The following TNK2 variants were observed in gnomAD, a reference collection of about 807,000 sequenced individuals.
TNK2 encodes the protein activated CDC42 kinase 1.
Under a neutral mutation model 101.8 loss-of-function variants are expected in TNK2, and 83 were observed. The ratio of observed to expected loss-of-function variants is 0.82; its 90% CI spans 0.68 to 0.98. TNK2 has a LOEUF of 0.98. TNK2 is among the 50% of genes least tolerant of loss of function. TNK2 has a pLI of 0.00. For synonymous variants in TNK2, 804 were observed against 633.0 expected (o/e 1.27, Z -4.06); for missense variants, 1,665 against 1,483.2 (o/e 1.12, Z -2.01).
chr3:195,868,325 T>G lies in TNK2; in HGVS notation c.1973A>C (p.Asp658Ala). 1.2e-6 allele frequency: 2 copies of G among 1,601,218 alleles called. No homozygotes were observed. The highest frequency in any genetic ancestry group is 1.7e-6 in the Non-Finnish European group (2 of 1,178,636). The part of the protein sequence containing the change: ...PAYDDVAQDE[D>A]DFEICSINST... Reference sequence around the variant, plus strand: ...GTTGATGGAGCAGATCTCAAAGTCATCCTCATCCTGGGCCACGTCGTCATA... The same window carrying G: ...GTTGATGGAGCAGATCTCAAAGTCAGCCTCATCCTGGGCCACGTCGTCATA... Residue 658 changes from aspartate (D) to alanine (A), a missense_variant, in exon 13 of 16, where the codon GAT (aspartate) becomes GCT (alanine). Coordinates refer to ENST00000672887, the MANE Select transcript of TNK2 (RefSeq NM_001382273.1).
chr3:195,888,431 C>G lies in TNK2; in HGVS notation c.158G>C (p.Arg53Pro). Residue 53 changes from arginine to proline, a missense_variant, in exon 2 of 16, where the codon CGG becomes CCG. Around this residue, in one of 3 missense-constraint regions of TNK2, gnomAD observed 490 missense variants for 522.5 expected, o/e 0.94. Transcript: ENST00000672887. The surrounding 1 kb of genome is among the most constrained non-coding windows in gnomAD (Gnocchi z 5.3). ...CAGGCCAACATCCCACCTACCAGGC[C>G]GACCCATGCCGATCTTCTCCAGGTC... ...NEDLEKIGMG[R>P]PGQRRLWEAV... The G allele has an allele frequency of 1.2e-6, 2 of 1,613,126 alleles. No individual in the cohort carries two copies. Among genetic ancestry groups the G allele is most frequent in the East Asian group, 2.2e-5 (1 of 44,842 alleles).
At chr3:195,865,146 C>T (rs1386647129) in intron 15 of TNK2, among the ~76,000 whole-genome samples, 1 of 128,538 alleles carries the variant, frequency 7.8e-6, no homozygotes, top group Non-Finnish European at 1.6e-5. Context: ...CGAGTGCCTG[C>T]GTCCCAGATG....
rs1753832761 is a variant in TNK2 at position 195,882,909 on chromosome 3, AG to A, written c.609+247del. 6.6e-6 allele frequency among the ~76,000 whole-genome samples: 1 copy of A among 152,296 alleles called. No individual in the cohort carries two copies. Among genetic ancestry groups the A allele is most frequent in the South Asian group, 2.1e-4 (1 of 4,828 alleles). On this transcript the variant is annotated intron_variant, in intron 5 of 15. Transcript: ENST00000672887. The surrounding 1 kb of genome is among the most constrained non-coding windows in gnomAD (Gnocchi z 4.2). ...ATTCCCCAAATTAAACTCAGTGGCCAGCCCCTCCCATGGGAGTAACTCTCTT... is the reference window on the plus strand; with the variant it reads ...ATTCCCCAAATTAAACTCAGTGGCCACCCCTCCCATGGGAGTAACTCTCTT...
intron 1 of TNK2, chr3:195,892,476 G>C: frequency 9.1e-6 from 14 of 1,535,646 alleles, no homozygotes; most frequent in Non-Finnish European, 1.1e-5. Flanking sequence ...GGGAACCGAC[G>C]TGCTGCCGGC....
intron 1 of TNK2, among the ~76,000 whole-genome samples, chr3:195,893,073 C>G (rs1328375293): frequency 6.6e-6 from 1 of 152,004 alleles, no homozygotes. Flanking sequence ...TGAAGCAGGG[C>G]TGTGGACTCC....
At chr3:195,866,189 T>C (rs1740734745) in intron 15 of TNK2, among the ~76,000 whole-genome samples, 1 of 152,240 alleles carries the variant, frequency 6.6e-6, no homozygotes, top group Admixed American at 6.5e-5. Context: ...AAAGACAATA[T>C]ATTTTCTTTT....
chr3:195,870,902 G>A (rs1243125642), intron 10 of TNK2, among the ~76,000 whole-genome samples: 1 of 151,962 alleles, frequency 6.6e-6, no homozygotes, highest in Non-Finnish European at 1.5e-5. Context: ...CAGTGTGTGT[G>A]GGCCCGCTGT....
At chr3:195,902,104 G>C (rs1007589528) in intron 1 of TNK2, among the ~76,000 whole-genome samples, 45 of 152,276 alleles carry the variant, frequency 3.0e-4, no homozygotes, top group Non-Finnish European at 2.2e-4. Flanking sequence ...GAATGGTAGA[G>C]GAAAAACCAC....
intron 12 of TNK2, chr3:195,869,200 C>CTCG (rs2149254308): frequency 3.5e-6 from 2 of 575,332 alleles, no homozygotes; most frequent in South Asian, 2.1e-5. Context: ...GTCTGGGAGG[C>CTCG]AGCGAGGCCA....
chr3:195,869,383 A>ACCCCCCCCCCC, intron 12 of TNK2, 114 bp downstream of exon 12: 1 of 1,052,608 alleles, frequency 9.5e-7, no homozygotes. Flanking sequence ...CTCACAGCAC[A>ACCCCCCCCCCC]CACCCACCCA....
In TNK2 at chr3:195,885,973, T is replaced by C. The variant is rs546076454; in HGVS notation, c.235-940A>G. ...TCCCAGTAACTAGAATTCCTTATGT[T>C]TGCAAGCAATGTTCAGGTTACAAGA... is the stretch of plus-strand genomic sequence containing the variant. On this transcript the variant is annotated intron_variant, in intron 3 of 15. Transcript: ENST00000672887. The surrounding 1 kb of genome is among the most constrained non-coding windows in gnomAD (Gnocchi z 4.7). The C allele has an allele frequency of 5.4e-6, 1 of 185,640 alleles. No homozygotes were observed. The highest frequency in any genetic ancestry group is 1.0e-4 in the South Asian group (1 of 9,638). The allele number at this position is 185,640 out of a possible 1,614,324, so 11.5% of individuals were successfully genotyped here.
At chr3:195,893,246 CCT>C (rs758526598) in intron 1 of TNK2, among the ~76,000 whole-genome samples, 10 of 151,698 alleles carry the variant, frequency 6.6e-5, no homozygotes, top group Non-Finnish European at 1.0e-4. Context: ...CTGATGTGGC[CCT>C]GTTACCCTGG....
At chr3:195,870,417 T>A (rs2278033) in intron 10 of TNK2, 1 of 1,412,318 alleles carries the variant, frequency 7.1e-7, no homozygotes, top group Non-Finnish European at 9.4e-7. Flanking sequence ...GACCCCAGGA[T>A]GGAAAGCCTA....
In TNK2 at chr3:195,868,160, G is replaced by A. The variant is rs1200360613; in HGVS notation, c.2138C>T (p.Pro713Leu). Reference sequence around the variant, plus strand: ...GATCTCTGCGGTCTGTGCGGAGCTGGGCGGCTTGCCCCCACCCTGGGGCGG... The same window carrying A: ...GATCTCTGCGGTCTGTGCGGAGCTGAGCGGCTTGCCCCCACCCTGGGGCGG... ...FLPPQGGGKP[P>L]SSAQTAEIFQ... Residue 713 changes from proline (P) to leucine (L), a missense_variant, in exon 13 of 16, where the codon CCC becomes CTC. Physicochemically the swap from Pro to Leu is moderately conservative, Grantham distance 98. Coordinates refer to ENST00000672887, the MANE Select transcript of TNK2 (RefSeq NM_001382273.1). 3 of 1,610,610 alleles carry A rather than the reference G, an allele frequency of 1.9e-6. No homozygotes were observed. The highest frequency in any genetic ancestry group is 2.2e-5 in the East Asian group (1 of 44,800).
At position 195,878,719 on chromosome 3, in the gene TNK2, G is replaced by T; in HGVS notation, c.1015-127C>A. The stretch of plus-strand genomic sequence containing the variant: ...TGCCTGGCCTCCAAAGAAGGGATCT[G>T]CCTGCCTGGGAGGGGCCCTCTCCAG... On this transcript the variant is annotated intron_variant, in intron 7 of 15. Coordinates refer to ENST00000672887, the MANE Select transcript of TNK2 (RefSeq NM_001382273.1). The surrounding 1 kb of genome is among the most constrained non-coding windows in gnomAD (Gnocchi z 4.7). The T allele has an allele frequency of 7.2e-7, 1 of 1,390,996 alleles. No homozygotes were observed. The allele number at this position is 1,390,996 out of a possible 1,614,324, so 86.2% of individuals were successfully genotyped here.
intron 10 of TNK2, 92 bp downstream of exon 10, chr3:195,872,184 G>A: frequency 7.1e-7 from 1 of 1,409,786 alleles, no homozygotes; most frequent in South Asian, 1.4e-5. Context: ...GGGCGAAAGG[G>A]TGAAGAGCAG....
chr3:195,873,120 C>T (rs1309620993), intron 9 of TNK2, among the ~76,000 whole-genome samples: 1 of 152,188 alleles, frequency 6.6e-6, no homozygotes, highest in Non-Finnish European at 1.5e-5. Context: ...GGAAGGCCTG[C>T]GGGAGCCTCC....
intron 2 of TNK2, among the ~76,000 whole-genome samples, chr3:195,887,889 CACGTGCATGCGTGTGTGCACGTGCAT>C (rs1756648756): frequency 8.0e-6 from 1 of 124,994 alleles, no homozygotes; most frequent in African/African-American, 4.8e-5. Context: ...CGTGCGTACG[CACGTGCATGCGTGTGTGCACGTGCAT>C]GCGTGCGTGC....
At chr3:195,890,785 G>A (rs1158664070) in intron 1 of TNK2, among the ~76,000 whole-genome samples, 1 of 152,094 alleles carries the variant, frequency 6.6e-6, no homozygotes, top group East Asian at 1.9e-4. Flanking sequence ...TAAACTTAAG[G>A]GAAAATGGAC....
Sources: allele counts gnomAD v4.1 joint callset (sites outside exome capture counted in the v4.1 genomes callset), GRCh38; gene constraint gnomAD v4.1.1; regional missense constraint gnomAD v4.1.1; non-coding constraint Gnocchi (gnomAD v3.1); transcripts MANE v1.5; gene names NCBI Gene and HGNC (gene_info 2026-07-23, HGNC 2026-07-21).